ZMYM2: variants seen among roughly 807,000 people sequenced by gnomAD.
The protein encoded by ZMYM2 is zinc finger MYM-type containing 2.
In ZMYM2, 56 loss-of-function variants were observed where a neutral mutation model predicts 162.8. The observed-to-expected ratio is 0.34, with a 90% CI of 0.28 to 0.43. The LOEUF (loss-of-function observed/expected upper bound fraction) is 0.43. ZMYM2 is among the 20% of genes least tolerant of loss of function. ZMYM2 has a pLI of 1.00. For missense variants in ZMYM2, 1,275 were observed against 1,621.8 expected, an observed-to-expected ratio of 0.79 and a Z score of 3.67; for synonymous variants, 510 against 541.6, an observed-to-expected ratio of 0.94 and a Z score of 0.81.
At chr13:19,996,189 C>T (rs1262831650) in intron 3 of ZMYM2, among the ~76,000 whole-genome samples, 3 of 151,930 alleles carry the variant, frequency 2.0e-5, no homozygotes, top group Non-Finnish European at 4.4e-5. Context: ...TAACTAAAAT[C>T]TAGGCAATGT....
At chr13:20,052,162 T>C (rs1955417491) in intron 13 of ZMYM2, 115 bp from the exon 14 acceptor site, 1 of 848,104 alleles carries the variant, frequency 1.2e-6, no homozygotes, top group African/African-American at 1.7e-5. Flanking sequence ...TAAAATAGTC[T>C]AAAATATTTT....
At chr13:20,039,756 G>A (rs977174969) in intron 12 of ZMYM2, among the ~76,000 whole-genome samples, 1 of 152,140 alleles carries the variant, frequency 6.6e-6, no homozygotes, top group African/African-American at 2.4e-5. Flanking sequence ...GATTACAGGC[G>A]TGAGCCACCG....
At chr13:19,961,541 T>C (rs1220308900) in intron 2 of ZMYM2, among the ~76,000 whole-genome samples, 1 of 152,206 alleles carries the variant, frequency 6.6e-6, no homozygotes, top group Non-Finnish European at 1.5e-5. Context: ...TCGCCACATA[T>C]TTTCACAAAA....
intron 9 of ZMYM2, among the ~76,000 whole-genome samples, 182 bp downstream of exon 9, chr13:20,027,500 A>G (rs917318863): frequency 6.6e-6 from 1 of 152,162 alleles, no homozygotes; most frequent in African/African-American, 2.4e-5. Context: ...TAGCCTGGAT[A>G]GTCTAATTGA....
intron 21 of ZMYM2, among the ~76,000 whole-genome samples, chr13:20,075,670 CTTTTTTTTTTTTTTT>C (rs56664916): frequency 4.0e-5 from 3 of 75,738 alleles, no homozygotes; most frequent in African/African-American, 1.1e-4. Context: ...CTATAGACAC[CTTTTTTTTTTTTTTT>C]TTTTTTTTTT....
At chr13:19,869,328 T>C in the ZMYM2 span, among the ~76,000 whole-genome samples, 4 of 152,168 alleles carry the variant, frequency 2.6e-5, no homozygotes. Context: ...TAACTTAAAT[T>C]ATGTTCTATA....
chr13:19,964,328 A>T (rs540940713), intron 2 of ZMYM2, among the ~76,000 whole-genome samples: 30 of 152,240 alleles, frequency 2.0e-4, no homozygotes, highest in African/African-American at 6.5e-4. Context: ...GTTAGCCAAG[A>T]TTGCACCACT....
At chr13:20,029,304 C>G (rs1044541204) in intron 9 of ZMYM2, among the ~76,000 whole-genome samples, 2 of 152,190 alleles carry the variant, frequency 1.3e-5, no homozygotes, top group East Asian at 1.9e-4. Flanking sequence ...GATTAGATCA[C>G]GAGGGTGGAG....
the ZMYM2 span, among the ~76,000 whole-genome samples, chr13:19,919,680 CTTTTTTTTTTTTTTG>C: frequency 7.3e-6 from 1 of 137,308 alleles, no homozygotes; most frequent in African/African-American, 2.6e-5. Flanking sequence ...TTTTCTTTTT[CTTTTTTTTTTTTTTG>C]AAATGGAGTT....
the ZMYM2 span, among the ~76,000 whole-genome samples, chr13:19,903,964 G>A: frequency 6.6e-6 from 1 of 152,082 alleles, no homozygotes; most frequent in Non-Finnish European, 1.5e-5. Flanking sequence ...CTCTTTGTAT[G>A]TGAGTCTTAC....
rs113320479 is a variant in ZMYM2 at position 20,007,432 on chromosome 13, C to T, written c.1512+846C>T. 1.2e-3 allele frequency among the ~76,000 whole-genome samples: 188 copies of T among 151,776 alleles called. 1 individual carries two copies. In the Middle Eastern group the frequency reaches 0.017, roughly 14 times the overall value. ...GATTACAGGCGTGAACCACTGCACC[C>T]GTCCAGGTTAATGTTATTTTAAGGA... On this transcript the variant is annotated intron_variant, in intron 6 of 24. Coordinates refer to ENST00000610343, the MANE Select transcript of ZMYM2 (RefSeq NM_197968.4).
intron 9 of ZMYM2, 133 bp from the exon 10 acceptor site, chr13:20,031,186 G>C (rs1323081617): frequency 1.1e-5 from 6 of 546,456 alleles, no homozygotes; most frequent in Admixed American, 4.1e-5. Context: ...ATTTGGAAAT[G>C]AGTTTTATGT....
chr13:19,934,039 A>T, the ZMYM2 span, among the ~76,000 whole-genome samples: 2 of 152,062 alleles, frequency 1.3e-5, no homozygotes, highest in Non-Finnish European at 2.9e-5. Context: ...ATATTTATTG[A>T]ATTTTCTTCC....
the ZMYM2 span, among the ~76,000 whole-genome samples, chr13:19,887,563 T>A: frequency 1.3e-5 from 2 of 151,440 alleles, no homozygotes; most frequent in African/African-American, 4.9e-5. Context: ...TATATATCAT[T>A]ATTTTCTTCA....
chr13:19,976,357 A>G (rs1956791933), intron 2 of ZMYM2, among the ~76,000 whole-genome samples: 1 of 151,742 alleles, frequency 6.6e-6, no homozygotes, highest in Non-Finnish European at 1.5e-5. Context: ...AGAAAGAAAG[A>G]AAAATAGCAA....
chr13:20,015,813 GTTTA>G (rs1015867865), intron 6 of ZMYM2, among the ~76,000 whole-genome samples: 6 of 151,932 alleles, frequency 3.9e-5, no homozygotes, highest in African/African-American at 9.7e-5. Context: ...CTTAGTTACT[GTTTA>G]TTTGTGTGGA....
the ZMYM2 span, among the ~76,000 whole-genome samples, chr13:19,911,044 CTTTTTTTTT>C: frequency 1.1e-4 from 10 of 89,288 alleles, no homozygotes; most frequent in East Asian, 3.6e-3. Context: ...AGTTCCCAGT[CTTTTTTTTT>C]TTTTTTTTTT....
chr13:20,031,801 A>C (rs530938847), intron 10 of ZMYM2, among the ~76,000 whole-genome samples: 1 of 151,724 alleles, frequency 6.6e-6, no homozygotes, highest in East Asian at 1.9e-4. Flanking sequence ...CAGTACCTGT[A>C]CATATTAGAA....
chr13:19,921,894 T>C, the ZMYM2 span, among the ~76,000 whole-genome samples: 146 of 148,220 alleles, frequency 9.9e-4, no homozygotes, highest in African/African-American at 3.5e-3. Context: ...CACACGCTGA[T>C]GAGCAGCAGT....
Sources: gnomAD v4.1 joint callset for allele counts (sites outside exome capture counted in the v4.1 genomes callset) on GRCh38, gnomAD v4.1.1 for gene constraint, MANE v1.5 for transcripts, NCBI Gene and HGNC (gene_info 2026-07-23, HGNC 2026-07-21) for gene names.